Variants in ZC4H2 observed in about 807,000 individuals in gnomAD.
The protein encoded by ZC4H2 is zinc finger C4H2-type containing, also known as zinc finger C4H2 domain-containing protein.
For synonymous variants in ZC4H2, 84 were observed against 66.3 expected (o/e 1.27, Z -1.30); for missense variants, 137 against 173.9 (o/e 0.79, Z 1.19).
intron 1 of ZC4H2, among the ~76,000 whole-genome samples, chrX:65,003,652 C>T (rs933785577): frequency 2.7e-5 from 3 of 110,431 alleles, no homozygotes; most frequent in Non-Finnish European, 5.7e-5. Flanking sequence ...CTGAAATGGG[C>T]GAATCCCGAG....
At chrX:64,987,622 A>G (rs907585854) in intron 1 of ZC4H2, among the ~76,000 whole-genome samples, 4 of 110,683 alleles carry the variant, frequency 3.6e-5, no homozygotes, top group Non-Finnish European at 5.7e-5. Context: ...TAAATGTAAA[A>G]TGTAAACCTA....
chrX:64,942,116 C>G (rs1157643191), intron 1 of ZC4H2, among the ~76,000 whole-genome samples: 1 of 111,032 alleles, frequency 9.0e-6, no homozygotes, highest in Non-Finnish European at 1.9e-5. Context: ...CTAGTTTAGT[C>G]TTGGGAGTGT....
At chrX:64,935,207 T>C (rs759792723) in intron 1 of ZC4H2, among the ~76,000 whole-genome samples, 3 of 111,663 alleles carry the variant, frequency 2.7e-5, no homozygotes, top group African/African-American at 9.7e-5. Flanking sequence ...TAAAGAAGCC[T>C]CAGGGAAGTT....
chrX:64,933,336 A>C (rs1929840528), intron 1 of ZC4H2, among the ~76,000 whole-genome samples: 1 of 111,436 alleles, frequency 9.0e-6, no homozygotes, highest in African/African-American at 3.3e-5. Context: ...AATCAACCTT[A>C]TGAATTCTTT....
intron 1 of ZC4H2, 162 bp from the exon 2 acceptor site, chrX:64,922,150 C>T: frequency 1.9e-6 from 2 of 1,070,161 alleles, no homozygotes; most frequent in South Asian, 2.6e-5. Context: ...ATGGCTCATG[C>T]CAGTAATCTC....
At chrX:65,034,227 G>C (rs1293112105) in intron 1 of ZC4H2, among the ~76,000 whole-genome samples, 1 of 111,659 alleles carries the variant, frequency 9.0e-6, no homozygotes, top group African/African-American at 3.3e-5. Flanking sequence ...TTTGATCACT[G>C]GTAGAAGTAT....
At chrX:64,976,682 T>C, upstream of ZC4H2, 1 of 310,697 alleles carries the variant, frequency 3.2e-6, no homozygotes, top group Non-Finnish European at 5.6e-6. Context: ...GGAATGGGGA[T>C]ATTCGTCTGG....
intron 1 of ZC4H2, among the ~76,000 whole-genome samples, chrX:64,982,942 A>G (rs1021466322): frequency 8.9e-6 from 1 of 112,636 alleles, no homozygotes. Context: ...CCTTATGCCT[A>G]TGAATGAAAC....
At position 64,917,761 on chromosome X, in the gene ZC4H2, G is replaced by A. The variant is rs1039062780; in HGVS notation, c.*22C>T. ...AAGGTGAGGGGTTATAATTAGCAAAGCTTCATGTGCTCTCCCTTTCTTTAT... is the reference window on the plus strand; with the variant it reads ...AAGGTGAGGGGTTATAATTAGCAAAACTTCATGTGCTCTCCCTTTCTTTAT... On this transcript the variant is annotated 3_prime_UTR_variant, in exon 5 of 5. Transcript: ENST00000374839. 17 of 1,202,904 alleles carry A rather than the reference G, an allele frequency of 1.4e-5. No homozygotes were observed. The highest frequency in any genetic ancestry group is 1.9e-5 in the Non-Finnish European group (17 of 891,510).
chrX:64,915,815 A>G lies in ZC4H2; in HGVS notation c.*1968T>C, dbSNP rs780747917. 144 of 112,159 alleles carry G rather than the reference A, an allele frequency of 1.3e-3. 1 individual carries two copies. Among genetic ancestry groups the G allele is most frequent in the African/African-American group, 4.6e-3 (141 of 30,916 alleles). The allele number at this position is 112,159 out of a possible 1,213,427, so 9.2% of individuals were successfully genotyped here. On this transcript the variant is annotated 3_prime_UTR_variant, in exon 5 of 5. Transcript: ENST00000374839. ...TGCTAATATTTTCCCCATTTTCCAGATGAGGACACTGAGGCACAGAGAGGT... is the reference window on the plus strand; with the variant it reads ...TGCTAATATTTTCCCCATTTTCCAGGTGAGGACACTGAGGCACAGAGAGGT...
rs1051272391 is a variant in ZC4H2, at chrX:64,954,507, G to A, written c.53+21818C>T. Reference sequence around the variant, plus strand: ...TATTGTAGACAACAGAAAGAATGAAGTTTTCTTTTTAATTGTGTTTTTAAC... The same window carrying A: ...TATTGTAGACAACAGAAAGAATGAAATTTTCTTTTTAATTGTGTTTTTAAC... On this transcript the variant is annotated intron_variant, in intron 1 of 4. Coordinates refer to ENST00000374839, the MANE Select transcript of ZC4H2 (RefSeq NM_018684.4). 4.9e-5 allele frequency among the ~76,000 whole-genome samples: 5 copies of A among 101,596 alleles called. No individual in the cohort carries two copies. In the Admixed American group the frequency reaches 5.5e-4, roughly 11 times the overall value. 88.2% of individuals were successfully genotyped at this position (101,596 alleles called of 115,157 possible).
rs1555948665 is a variant in ZC4H2, at chrX:64,999,068, T to TTTTTTTTTTTA, written c.-272+35560_-272+35561insTAAAAAAAAAA. ...TTTTTTTTTTTTTTTTTTTTTTTTT[T>TTTTTTTTTTTA]AATCTATTCTGCCAATCTTTGTCCT... On this transcript the variant is annotated intron_variant, in intron 1 of 4. Transcript: ENST00000337990. 7.9e-5 allele frequency among the ~76,000 whole-genome samples: 6 copies of TTTTTTTTTTTA among 75,761 alleles called. 1 individual carries two copies. Among genetic ancestry groups the TTTTTTTTTTTA allele is most frequent in the African/African-American group, 2.7e-4 (6 of 22,250 alleles). 65.8% of individuals were successfully genotyped at this position (75,761 alleles called of 115,157 possible). A position where few individuals can be genotyped will look rare whatever the true frequency, so the allele number is the denominator to read the frequency against.
intron 1 of ZC4H2, among the ~76,000 whole-genome samples, chrX:65,023,175 G>GT (rs1394784198): frequency 1.8e-5 from 2 of 111,548 alleles, no homozygotes; most frequent in Non-Finnish European, 3.8e-5. Flanking sequence ...ATTTAAAGTA[G>GT]TTTTTTCCAA....
chrX:65,032,754 C>CTTCA (rs1932950054), intron 1 of ZC4H2, among the ~76,000 whole-genome samples: 1 of 103,888 alleles, frequency 9.6e-6, no homozygotes, highest in Non-Finnish European at 2.0e-5. Context: ...TCCTTCCTTC[C>CTTCA]TTCCTTCCTT....
chrX:64,932,225 C>T (rs1414570219), intron 1 of ZC4H2, among the ~76,000 whole-genome samples: 1 of 111,080 alleles, frequency 9.0e-6, no homozygotes, highest in Admixed American at 9.6e-5. Context: ...TTTACCACCC[C>T]TTTACCTTAA....
At chrX:64,980,677 A>G (rs1269274053), upstream of ZC4H2, among the ~76,000 whole-genome samples, 1 of 111,061 alleles carries the variant, frequency 9.0e-6, no homozygotes, top group Non-Finnish European at 1.9e-5. Context: ...GAGGAAGTTG[A>G]GGCACAGAGA....
chrX:64,971,660 G>C (rs773690217), intron 1 of ZC4H2, among the ~76,000 whole-genome samples: 40 of 111,636 alleles, frequency 3.6e-4, no homozygotes, highest in African/African-American at 1.3e-3. Context: ...GCTGTCATAT[G>C]TATGGGCTAA....
At chrX:64,982,432 C>T (rs1296846002) in intron 1 of ZC4H2, among the ~76,000 whole-genome samples, 1 of 112,316 alleles carries the variant, frequency 8.9e-6, no homozygotes, top group African/African-American at 3.2e-5. Flanking sequence ...GCACCTAGCA[C>T]ATTGGTTGAA....
chrX:64,965,368 C>T (rs1931550988), intron 1 of ZC4H2: 1 of 258,504 alleles, frequency 3.9e-6, no homozygotes, highest in Admixed American at 5.2e-5. Flanking sequence ...AGAAATAAAC[C>T]CACAGATGTA....
Sources: allele counts gnomAD v4.1 joint callset (sites outside exome capture counted in the v4.1 genomes callset), GRCh38; gene constraint gnomAD v4.1.1; transcripts MANE v1.5; gene names NCBI Gene and HGNC (gene_info 2026-07-23, HGNC 2026-07-21).